SEPTIN8: variants seen among roughly 807,000 people sequenced by gnomAD.
The protein encoded by SEPTIN8 is septin 8.
SEPTIN8 carries 22 observed loss-of-function variants against 53.1 expected under a neutral mutation model. The ratio of observed to expected loss-of-function variants is 0.41; its 90% CI spans 0.30 to 0.59. The LOEUF (loss-of-function observed/expected upper bound fraction) is 0.59, where lower values mean the gene tolerates loss of function less well. SEPTIN8 is among the 20% of genes least tolerant of loss of function. The probability of loss-of-function intolerance (pLI) is 0.24; values close to 1 mark genes in which losing one functional copy is unlikely to be tolerated. For synonymous variants in SEPTIN8, 228 were observed against 248.4 expected (o/e 0.92, Z 0.77); for missense variants, 536 against 638.7 (o/e 0.84, Z 1.73).
chr5:132,772,406 A>G (rs1362703882), intron 1 of SEPTIN8, among the ~76,000 whole-genome samples: 2 of 152,158 alleles, frequency 1.3e-5, no homozygotes, highest in Non-Finnish European at 2.9e-5. Context: ...GGAGTGGTCT[A>G]TCCCACCACA....
At chr5:132,777,399 G>T (rs1363295449), upstream of SEPTIN8, 1 of 1,010,400 alleles carries the variant, frequency 9.9e-7, no homozygotes, top group African/African-American at 1.7e-5. This position sits in a 1 kb window ranked among gnomAD's most constrained non-coding sequence, Gnocchi z 4.1. Flanking sequence ...GGTCTCCGCG[G>T]CGAGGCGGGA....
chr5:132,759,411 T>G (rs1755666617), intron 9 of SEPTIN8, among the ~76,000 whole-genome samples: 2 of 152,288 alleles, frequency 1.3e-5, no homozygotes, highest in African/African-American at 2.4e-5. Context: ...TGGTGTCCTT[T>G]CAGCCTGCCT....
At chr5:132,770,006 T>TATATATATAC (rs1757043189) in intron 1 of SEPTIN8, among the ~76,000 whole-genome samples, 13 of 67,720 alleles carry the variant, frequency 1.9e-4, no homozygotes, top group African/African-American at 6.3e-4. Flanking sequence ...TATATATATA[T>TATATATATAC]ATATATATAT....
intron 1 of SEPTIN8, among the ~76,000 whole-genome samples, chr5:132,766,169 C>G (rs1354181002): frequency 2.0e-5 from 3 of 152,216 alleles, no homozygotes; most frequent in South Asian, 2.1e-4. Flanking sequence ...ACACAACCCC[C>G]CCGTGGGGCT....
intron 9 of SEPTIN8, chr5:132,757,729 C>CA: frequency 2.0e-6 from 2 of 985,374 alleles, no homozygotes; most frequent in Non-Finnish European, 2.4e-6. Flanking sequence ...GCTTGTAAAC[C>CA]AACAGGAGCA....
In SEPTIN8 at chr5:132,763,889, G is replaced by A. The variant is rs1756274685; in HGVS notation, c.351C>T (p.Tyr117=). The change falls in exon 4 of 10, where the codon TAC becomes TAT. Residue 117 remains tyrosine (Y), a synonymous_variant. Coordinates refer to ENST00000378719, the MANE Select transcript of SEPTIN8 (RefSeq NM_001098811.2). ...FGDQINKDES[Y]RPIVDYIDAQ... ...CATCGATGTAGTCAACTATGGGCCTGTAACTACAGACAGCTCCATCACCCA... is the reference window on the plus strand; with the variant it reads ...CATCGATGTAGTCAACTATGGGCCTATAACTACAGACAGCTCCATCACCCA... 1 of 1,564,344 alleles carries A rather than the reference G, an allele frequency of 6.4e-7. No individual in the cohort carries two copies. Among genetic ancestry groups the A allele is most frequent in the Non-Finnish European group, 8.7e-7 (1 of 1,153,612 alleles).
At chr5:132,770,464 G>A (rs1189792103) in intron 1 of SEPTIN8, among the ~76,000 whole-genome samples, 1 of 152,056 alleles carries the variant, frequency 6.6e-6, no homozygotes, top group African/African-American at 2.4e-5. Context: ...ACAGGTGTGA[G>A]CCACCATGCC....
At position 132,760,974 on chromosome 5, in the gene SEPTIN8, GCTC is replaced by G; in HGVS notation, c.1111_1113del (p.Glu371del). ...TCCTCCTGGTGGACCCGCTTCAGGT[GCTC>G]AAACTTCTCATGGAGCTGGCATCAG... On this transcript the variant is annotated inframe_deletion, in exon 9 of 10. Coordinates refer to ENST00000378719, the MANE Select transcript of SEPTIN8 (RefSeq NM_001098811.2). This position sits in a 1 kb window ranked among gnomAD's most constrained non-coding sequence, Gnocchi z 5.2. The G allele has an allele frequency of 6.3e-7, 1 of 1,582,346 alleles. No homozygotes were observed. Among genetic ancestry groups the G allele is most frequent in the Non-Finnish European group, 8.6e-7 (1 of 1,164,926 alleles).
chr5:132,761,319 A>G lies in SEPTIN8; in HGVS notation c.963-54T>C. On this transcript the variant is annotated intron_variant, in intron 7 of 9. Coordinates refer to ENST00000378719, the MANE Select transcript of SEPTIN8 (RefSeq NM_001098811.2). The surrounding 1 kb of genome is among the most constrained non-coding windows in gnomAD (Gnocchi z 5.8). Reference sequence around the variant, plus strand: ...GGATGGGATTATGACGGAATGGGATAGGGCAGGGCAGAGCCAGAGAAGTAG... The same window carrying G: ...GGATGGGATTATGACGGAATGGGATGGGGCAGGGCAGAGCCAGAGAAGTAG... 6.2e-7 allele frequency: 1 copy of G among 1,606,630 alleles called. No homozygotes were observed. The highest frequency in any genetic ancestry group is 8.5e-7 in the Non-Finnish European group (1 of 1,178,928).
chr5:132,751,635 G>A lies in SEPTIN8; in HGVS notation c.*381C>T. The A allele has an allele frequency of 5.2e-6, 2 of 385,306 alleles. No homozygotes were observed. Among genetic ancestry groups the A allele is most frequent in the Non-Finnish European group, 9.3e-6 (2 of 215,734 alleles). 23.9% of individuals were successfully genotyped at this position (385,306 alleles called of 1,614,324 possible). On this transcript the variant is annotated 3_prime_UTR_variant, in exon 10 of 10. Coordinates refer to ENST00000378719, the MANE Select transcript of SEPTIN8 (RefSeq NM_001098811.2). ...GTTGCAGAGTTTCGTCTTATGATAA[G>A]CAGATACAAGTAACTTTTCTGCTAC...
In SEPTIN8 at chr5:132,761,358, C is replaced by A. The variant is rs562807533; in HGVS notation, c.963-93G>T. 1.3e-6 allele frequency: 2 copies of A among 1,591,954 alleles called. No individual in the cohort carries two copies. The highest frequency in any genetic ancestry group is 1.7e-6 in the Non-Finnish European group (2 of 1,171,970). ...CCAGAGAAGTAGAATCATGTGGGCA[C>A]GAGGGGTAAGAGGATGTGGGGTCCC... is the stretch of plus-strand genomic sequence containing the variant. On this transcript the variant is annotated intron_variant, in intron 7 of 9. Coordinates refer to ENST00000378719, the MANE Select transcript of SEPTIN8 (RefSeq NM_001098811.2). This position sits in a 1 kb window ranked among gnomAD's most constrained non-coding sequence, Gnocchi z 5.8.
chr5:132,757,470 T>A (rs1755447925), intron 9 of SEPTIN8: 3 of 985,414 alleles, frequency 3.0e-6, no homozygotes, highest in Non-Finnish European at 3.6e-6. Flanking sequence ...GGGGAAATGG[T>A]CATGAGAAGG....
At chr5:132,753,809 A>G (rs1472259885) in intron 9 of SEPTIN8, 1 of 152,460 alleles carries the variant, frequency 6.6e-6, no homozygotes, top group Non-Finnish European at 1.5e-5. Context: ...TGCCTCTCTC[A>G]TGCTGTGCTA....
Position 132,760,673 on chromosome 5 carries a change from AG to A in SEPTIN8, c.1286+128del. The A allele has an allele frequency of 1.2e-6, 1 of 857,128 alleles. No individual in the cohort carries two copies. The highest frequency in any genetic ancestry group is 1.8e-6 in the Non-Finnish European group (1 of 549,216). The allele number at this position is 857,128 out of a possible 1,614,324, so 53.1% of individuals were successfully genotyped here. A position where few individuals can be genotyped will look rare whatever the true frequency, so the allele number is the denominator to read the frequency against. On this transcript the variant is annotated intron_variant, in intron 9 of 9. Coordinates refer to ENST00000378719, the MANE Select transcript of SEPTIN8 (RefSeq NM_001098811.2). The surrounding 1 kb of genome is among the most constrained non-coding windows in gnomAD (Gnocchi z 5.2). Reference sequence around the variant, plus strand: ...GCTGGGGGGAGAGCCACTGAAGATGAGGGAAAACCAAACAGGAAAGGGGTAA... The same window carrying A: ...GCTGGGGGGAGAGCCACTGAAGATGAGGAAAACCAAACAGGAAAGGGGTAA...
chr5:132,768,341 G>C (rs997325040), intron 1 of SEPTIN8, among the ~76,000 whole-genome samples: 1 of 152,202 alleles, frequency 6.6e-6, no homozygotes, highest in Non-Finnish European at 1.5e-5. Flanking sequence ...TACACACACA[G>C]AATGGCCACT....
At chr5:132,758,577 C>A in intron 9 of SEPTIN8, 1 of 1,611,158 alleles carries the variant, frequency 6.2e-7, no homozygotes, top group South Asian at 1.1e-5. Context: ...TAAACCTCGT[C>A]AGTTTTGGAT....
Position 132,777,219 on chromosome 5 carries a change from C to A in SEPTIN8, c.-82G>T. On this transcript the variant is annotated 5_prime_UTR_variant, in exon 1 of 10. Coordinates refer to ENST00000378719, the MANE Select transcript of SEPTIN8 (RefSeq NM_001098811.2). This position sits in a 1 kb window ranked among gnomAD's most constrained non-coding sequence, Gnocchi z 4.1. ...CCAGCCGGCTGCGGGACGCGCTCCG[C>A]CCGGGCGGCTGCGGCTGAATGGATC... 8.7e-7 allele frequency: 1 copy of A among 1,154,218 alleles called. No homozygotes were observed. Among genetic ancestry groups the A allele is most frequent in the East Asian group, 4.1e-5 (1 of 24,622 alleles). The allele number at this position is 1,154,218 out of a possible 1,614,324, so 71.5% of individuals were successfully genotyped here.
At chr5:132,759,526 C>T (rs926996553) in intron 9 of SEPTIN8, among the ~76,000 whole-genome samples, 1 of 152,320 alleles carries the variant, frequency 6.6e-6, no homozygotes. Context: ...TCCTGGCTAC[C>T]TTTTCTTTAA....
intron 1 of SEPTIN8, among the ~76,000 whole-genome samples, chr5:132,767,619 C>A (rs1243631872): frequency 2.0e-5 from 3 of 152,116 alleles, no homozygotes; most frequent in African/African-American, 7.2e-5. Context: ...ACATGCTGGA[C>A]AATGCTACCA....
Sources: allele counts gnomAD v4.1 joint callset (sites outside exome capture counted in the v4.1 genomes callset), GRCh38; gene constraint gnomAD v4.1.1; non-coding constraint Gnocchi (gnomAD v3.1); transcripts MANE v1.5; gene names NCBI Gene and HGNC (gene_info 2026-07-23, HGNC 2026-07-21).